FNDC5: variants seen among roughly 807,000 people sequenced by gnomAD.
FNDC5 encodes the protein fibronectin type III domain containing 5, also known as fibronectin type III domain-containing protein 5.
A neutral mutation model predicts 24.6 loss-of-function variants in FNDC5; 10 were observed. The ratio of observed to expected loss-of-function variants is 0.41; its 90% CI spans 0.25 to 0.69. The LOEUF (loss-of-function observed/expected upper bound fraction) is 0.69, where lower values mean the gene tolerates loss of function less well. FNDC5 is among the 30% of genes least tolerant of loss of function. FNDC5 has a pLI of 0.34. For missense variants in FNDC5, 226 were observed against 282.9 expected (o/e 0.80, Z 1.44); for synonymous variants, 90 against 110.7 (o/e 0.81, Z 1.18).
rs1181147946 is a variant in FNDC5, at chr1:32,862,986, G to GCTT, written c.*1305_*1307dup. The GCTT allele has an allele frequency of 1.3e-5, 2 of 152,762 alleles. No homozygotes were observed. Among genetic ancestry groups the GCTT allele is most frequent in the African/African-American group, 4.8e-5 (2 of 41,450 alleles). 9.5% of individuals were successfully genotyped at this position (152,762 alleles called of 1,614,324 possible). ...AATGGCTCAGGCCTGCCTTCCAGCA[G>GCTT]CTTCTACTCCAGAAGGGGTGTTTTG... is the stretch of plus-strand genomic sequence containing the variant. On this transcript the variant is annotated 3_prime_UTR_variant, in exon 6 of 6. Transcript: ENST00000373471.
intron 4 of FNDC5, among the ~76,000 whole-genome samples, chr1:32,867,244 G>A (rs568172297): frequency 1.3e-5 from 2 of 152,118 alleles, no homozygotes; most frequent in African/African-American, 4.8e-5. Context: ...AGTATGCGGT[G>A]GGGGTGTGGA....
chr1:32,867,852 G>A lies in FNDC5; in HGVS notation c.410-10C>T, dbSNP rs373703377. 1 of 1,613,526 alleles carries A rather than the reference G, an allele frequency of 6.2e-7. No homozygotes were observed. The highest frequency in any genetic ancestry group is 1.3e-5 in the African/African-American group (1 of 74,876). ...TTCATGGTTACCTCATCTGCAGGGA[G>A]AGAGACACTAGATCCAGCACTCCTT... On this transcript the variant is annotated splice_polypyrimidine_tract_variant and intron_variant, in intron 3 of 5. Transcript: ENST00000373471.
In FNDC5 at chr1:32,865,468, A is replaced by G. The variant is rs188337531; in HGVS notation, c.500-671T>C. 2.2e-4 allele frequency among the ~76,000 whole-genome samples: 34 copies of G among 151,646 alleles called. No individual in the cohort carries two copies. The East Asian group carries it at 5.1e-3, about 23-fold the overall frequency. ...GGAAATAGAGACCAGCCTGGCCAACATGGTGAAACCCTGTCTACTAAAAAT... is the reference window on the plus strand; with the variant it reads ...GGAAATAGAGACCAGCCTGGCCAACGTGGTGAAACCCTGTCTACTAAAAAT... On this transcript the variant is annotated intron_variant, in intron 4 of 5. Coordinates refer to ENST00000373471, the MANE Select transcript of FNDC5 (RefSeq NM_153756.3).
rs1009037467 is a variant in FNDC5 at position 32,864,138 on chromosome 1, G to T, written c.*156C>A. 4 of 1,551,732 alleles carry T rather than the reference G, an allele frequency of 2.6e-6. No individual in the cohort carries two copies. Among genetic ancestry groups the T allele is most frequent in the Admixed American group, 1.9e-5 (1 of 52,002 alleles). On this transcript the variant is annotated 3_prime_UTR_variant, in exon 6 of 6. Transcript: ENST00000373471. ...AGAGGCTTCAGGAAAGTGCGCCAGA[G>T]AGAGGACAGTAAGCCAGAGGGTACA... is the stretch of plus-strand genomic sequence containing the variant.
intron 5 of FNDC5, 30 bp from the exon 6 acceptor site, chr1:32,864,329 AGCGGTAAAGCACCT>A (rs758045767): frequency 1.2e-6 from 2 of 1,613,334 alleles, no homozygotes; most frequent in Admixed American, 3.3e-5. Context: ...ATGAAGGTAC[AGCGGTAAAGCACCT>A]GCCCAAGGTC....
chr1:32,863,728 A>C lies in FNDC5; in HGVS notation c.*566T>G, dbSNP rs1335493443. 7.7e-7 allele frequency: 1 copy of C among 1,304,552 alleles called. No homozygotes were observed. Among genetic ancestry groups the C allele is most frequent in the East Asian group, 5.5e-5 (1 of 18,024 alleles). 80.8% of individuals were successfully genotyped at this position (1,304,552 alleles called of 1,614,324 possible). A position where few individuals can be genotyped will look rare whatever the true frequency, so the allele number is the denominator to read the frequency against. On this transcript the variant is annotated 3_prime_UTR_variant, in exon 6 of 6. Transcript: ENST00000373471. ...AGAAAAATGGAATCCTTCTCCCTGC[A>C]GACAGGCAGTCACGCTTCAATGATG...
chr1:32,868,328 C>T lies in FNDC5; in HGVS notation c.271G>A (p.Ala91Thr), dbSNP rs1237573241. The T allele has an allele frequency of 6.2e-7, 1 of 1,614,094 alleles. No homozygotes were observed. The highest frequency in any genetic ancestry group is 8.5e-7 in the Non-Finnish European group (1 of 1,180,036). Residue 91 changes from alanine (A) to threonine (T), a missense_variant, in exon 3 of 6, where the codon GCC becomes ACC. By Grantham distance (58) the Ala-to-Thr change is moderately conservative (BLOSUM62 0). Transcript: ENST00000373471. The surrounding 1 kb of genome is among the most constrained non-coding windows in gnomAD (Gnocchi z 4.8). ...GTATCCTCCTCCAGGTCCCAGAGGG[C>T]ACATGAGCGGGTGGTGGTGTTCACC...
chr1:32,867,524 C>G (rs1432049197), intron 4 of FNDC5, among the ~76,000 whole-genome samples: 1 of 152,170 alleles, frequency 6.6e-6, no homozygotes. Flanking sequence ...AAGGCAAGTA[C>G]TCATCTAATC....
chr1:32,865,364 G>A (rs1641051357), intron 4 of FNDC5, among the ~76,000 whole-genome samples: 1 of 151,018 alleles, frequency 6.6e-6, no homozygotes, highest in African/African-American at 2.4e-5. Context: ...CTCCCAAAGT[G>A]CTGGGATTAC....
rs1641169864 is a variant in FNDC5, at chr1:32,870,828, C to CG, written c.-83dup. On this transcript the variant is annotated 5_prime_UTR_variant, in exon 1 of 6. Coordinates refer to ENST00000373471, the MANE Select transcript of FNDC5 (RefSeq NM_153756.3). ...CCGGCGGCCGCTCGCGCTCGCGCTC[C>CG]GGCCCCCGGCCCGGCCGGCCCGGCC... 3.1e-5 allele frequency: 13 copies of CG among 418,236 alleles called. No homozygotes were observed. The highest frequency in any genetic ancestry group is 4.1e-5 in the Non-Finnish European group (13 of 317,104). The allele number at this position is 418,236 out of a possible 1,614,324, so 25.9% of individuals were successfully genotyped here. A position where few individuals can be genotyped will look rare whatever the true frequency, so the allele number is the denominator to read the frequency against.
intron 5 of FNDC5, 33 bp from the exon 6 acceptor site, chr1:32,864,332 G>A (rs570139154): frequency 3.0e-5 from 48 of 1,612,748 alleles, no homozygotes; most frequent in African/African-American, 2.5e-4. Context: ...AAGGTACAGC[G>A]GTAAAGCACC....
At chr1:32,864,346 C>T (rs1414279250) in intron 5 of FNDC5, 47 bp from the exon 6 acceptor site, 2 of 1,610,236 alleles carry the variant, frequency 1.2e-6, no homozygotes, top group South Asian at 1.1e-5. Flanking sequence ...AAGCACCTGC[C>T]CAAGGTCACA....
intron 3 of FNDC5, 74 bp from the exon 4 acceptor site, chr1:32,867,916 A>G (rs1298783941): frequency 1.4e-6 from 2 of 1,428,510 alleles, no homozygotes; most frequent in Non-Finnish European, 2.0e-6. Flanking sequence ...AGCCCAAGAC[A>G]ACAGTGCTGA....
intron 5 of FNDC5, 74 bp downstream of exon 5, chr1:32,864,590 C>T: frequency 6.2e-7 from 1 of 1,604,588 alleles, no homozygotes; most frequent in East Asian, 2.2e-5. Context: ...CCCGAGCTGA[C>T]CCCCTCTGCA....
rs759139981 is a variant in FNDC5, at chr1:32,864,806, G to T, written c.500-9C>A. The T allele has an allele frequency of 2.5e-6, 4 of 1,613,752 alleles. No individual in the cohort carries two copies. The highest frequency in any genetic ancestry group is 3.4e-6 in the Non-Finnish European group (4 of 1,179,964). On this transcript the variant is annotated splice_polypyrimidine_tract_variant and intron_variant, in intron 4 of 5. Coordinates refer to ENST00000373471, the MANE Select transcript of FNDC5 (RefSeq NM_153756.3). ...GAAGAGGGCAATGACACCTGAGGGG[G>T]GACAAGTGAGCAGTCAGAGGCCAGA...
At chr1:32,870,089 G>A (rs898477467) in intron 1 of FNDC5, among the ~76,000 whole-genome samples, 3 of 152,272 alleles carry the variant, frequency 2.0e-5, no homozygotes, top group Middle Eastern at 3.4e-3. Flanking sequence ...GCAGCCAGGA[G>A]GGACAAAGAC....
At position 32,862,906 on chromosome 1, in the gene FNDC5, T is replaced by C. The variant is rs1270217322; in HGVS notation, c.*1388A>G. On this transcript the variant is annotated 3_prime_UTR_variant, in exon 6 of 6. Coordinates refer to ENST00000373471, the MANE Select transcript of FNDC5 (RefSeq NM_153756.3). The stretch of plus-strand genomic sequence containing the variant: ...GAACCCTGGATGAGATGGCAAGATA[T>C]GAAGACCCCAGAGGCCAGTGGTGAT... 1 of 152,724 alleles carries C rather than the reference T, an allele frequency of 6.5e-6. No individual in the cohort carries two copies. The highest frequency in any genetic ancestry group is 1.5e-5 in the Non-Finnish European group (1 of 68,146). The allele number at this position is 152,724 out of a possible 1,614,324, so 9.5% of individuals were successfully genotyped here.
At chr1:32,865,362 G>A (rs1470598295) in intron 4 of FNDC5, among the ~76,000 whole-genome samples, 1 of 150,432 alleles carries the variant, frequency 6.6e-6, no homozygotes, top group Non-Finnish European at 1.5e-5. Context: ...GCCTCCCAAA[G>A]TGCTGGGATT....
At position 32,870,834 on chromosome 1, in the gene FNDC5, C is replaced by T; in HGVS notation, c.-88G>A. The T allele has an allele frequency of 3.9e-6, 1 of 257,934 alleles. No homozygotes were observed. The highest frequency in any genetic ancestry group is 5.9e-6 in the Non-Finnish European group (1 of 170,940). The allele number at this position is 257,934 out of a possible 1,614,324, so 16.0% of individuals were successfully genotyped here. Reference sequence around the variant, plus strand: ...GCCGCTCGCGCTCGCGCTCCGGCCCCCGGCCCGGCCGGCCCGGCCGCTCCG... The same window carrying T: ...GCCGCTCGCGCTCGCGCTCCGGCCCTCGGCCCGGCCGGCCCGGCCGCTCCG... On this transcript the variant is annotated 5_prime_UTR_variant, in exon 1 of 6. Coordinates refer to ENST00000373471, the MANE Select transcript of FNDC5 (RefSeq NM_153756.3).
Sources: gnomAD v4.1 joint callset for allele counts (sites outside exome capture counted in the v4.1 genomes callset) on GRCh38, gnomAD v4.1.1 for gene constraint, Gnocchi (gnomAD v3.1) non-coding constraint, MANE v1.5 for transcripts, NCBI Gene and HGNC (gene_info 2026-07-23, HGNC 2026-07-21) for gene names.